ZNF99: variants seen among roughly 807,000 people sequenced by gnomAD.
ZNF99 encodes the protein zinc finger protein ENSP00000375192.
ZNF99 carries 8 observed loss-of-function variants against 12.8 expected under a neutral mutation model. The observed-to-expected ratio is 0.62, with a 90% CI of 0.37 to 1.13. The LOEUF is 1.13. Among genes scored for constraint, ZNF99 ranks in the 50% most tolerant of loss-of-function variants. The probability of loss-of-function intolerance (pLI) is 0.02; values close to 1 mark genes in which losing one functional copy is unlikely to be tolerated. For synonymous variants in ZNF99, 318 were observed against 319.0 expected (o/e 1.00, Z 0.03); for missense variants, 1,007 against 1,006.2 (o/e 1.00, Z -0.01).
chr19:22,768,711 G>A lies in ZNF99; in HGVS notation c.131-311C>T, dbSNP rs116488091. Among the ~76,000 whole-genome samples, 1,135 of 152,038 alleles carry A rather than the reference G, an allele frequency of 7.5e-3. 9 individuals are homozygous for A. Among genetic ancestry groups the A allele is most frequent in the African/African-American group, 0.026 (1,074 of 41,480 alleles). ...GCAGATCTGCTTAGAAATGTGGAAA[G>A]TTCAGGTAAAAATTAAACATCTTTA... On this transcript the variant is annotated intron_variant, in intron 2 of 3. Coordinates refer to ENST00000596209, the MANE Select transcript of ZNF99 (RefSeq NM_001080409.3).
chr19:22,773,740 T>C (rs1973296910), intron 1 of ZNF99: 1 of 152,238 alleles, frequency 6.6e-6, no homozygotes, highest in South Asian at 2.1e-4. Flanking sequence ...CACTCTCCTG[T>C]TAGCTGGTGT....
rs1395282854 is a variant in ZNF99, at chr19:22,752,273, A to G, written c.*5041T>C. The stretch of plus-strand genomic sequence containing the variant: ...ATAATAAAGATAACAATTTAGTTTT[A>G]TATTTCAAAGTGACTAAAAGTGTAG... On this transcript the variant is annotated 3_prime_UTR_variant, in exon 4 of 4. Transcript: ENST00000596209. 6.6e-6 allele frequency: 1 copy of G among 152,116 alleles called. No individual in the cohort carries two copies. The highest frequency in any genetic ancestry group is 2.4e-5 in the African/African-American group (1 of 41,446). The allele number at this position is 152,116 out of a possible 1,614,324, so 9.4% of individuals were successfully genotyped here.
rs912062607 is a variant in ZNF99, at chr19:22,784,071, A to G, written c.-55T>C. ...TAGCTGTGGATCTCCAAATACCTAC[A>G]GGTCACAGGGCCACAGAGGCTAAGG... On this transcript the variant is annotated 5_prime_UTR_variant, in exon 1 of 4. Coordinates refer to ENST00000596209, the MANE Select transcript of ZNF99 (RefSeq NM_001080409.3). The G allele has an allele frequency of 7.5e-6, 12 of 1,607,052 alleles. No homozygotes were observed. In the Admixed American group the frequency reaches 8.4e-5, roughly 11 times the overall value.
chr19:22,755,896 T>G lies in ZNF99; in HGVS notation c.*1418A>C, dbSNP rs1383331591. ...GAGTTTATCTTCTTTAGGAATTCTC[T>G]CATTTTGAGTAACAGCTGAGCAATG... On this transcript the variant is annotated 3_prime_UTR_variant, in exon 4 of 4. Transcript: ENST00000596209. 2.1e-5 allele frequency: 7 copies of G among 337,884 alleles called. No homozygotes were observed. The allele number at this position is 337,884 out of a possible 1,614,324, so 20.9% of individuals were successfully genotyped here.
intron 2 of ZNF99, 23 bp from the exon 3 acceptor site, chr19:22,768,423 CAT>C (rs755380643): frequency 6.3e-7 from 1 of 1,579,374 alleles, no homozygotes; most frequent in Non-Finnish European, 8.6e-7. Context: ...AAATAAATAA[CAT>C]AAATATTGCT....
In ZNF99 at chr19:22,755,469, A is replaced by T. The variant is rs181314864; in HGVS notation, c.*1845T>A. 249 of 282,652 alleles carry T rather than the reference A, an allele frequency of 8.8e-4. 1 individual carries two copies. Among genetic ancestry groups the T allele is most frequent in the African/African-American group, 5.3e-3 (236 of 44,628 alleles). 17.5% of individuals were successfully genotyped at this position (282,652 alleles called of 1,614,324 possible). On this transcript the variant is annotated 3_prime_UTR_variant, in exon 4 of 4. Coordinates refer to ENST00000596209, the MANE Select transcript of ZNF99 (RefSeq NM_001080409.3). ...CTTCACATGAGGCGGGTTTCTCTCT[A>T]ATTTATCTTATATTCAGTAAGATCT... is the stretch of plus-strand genomic sequence containing the variant.
intron 3 of ZNF99, among the ~76,000 whole-genome samples, chr19:22,761,321 A>T (rs1486917552): frequency 6.6e-6 from 1 of 152,294 alleles, no homozygotes; most frequent in South Asian, 2.1e-4. Flanking sequence ...CATGCTAAAC[A>T]AGAGGTTCAT....
At position 22,757,010 on chromosome 19, in the gene ZNF99, C is replaced by G. The variant is rs759315821; in HGVS notation, c.*304G>C. The G allele has an allele frequency of 2.6e-6, 4 of 1,561,384 alleles. No homozygotes were observed. The highest frequency in any genetic ancestry group is 3.5e-6 in the Non-Finnish European group (4 of 1,151,948). ...ATGTTTCCTAAGGGCTGAGAAATTG[C>G]TAAAAGCTTTGCCACATTCTTCACA... On this transcript the variant is annotated 3_prime_UTR_variant, in exon 4 of 4. Transcript: ENST00000596209.
chr19:22,756,316 TTTATG>T lies in ZNF99; in HGVS notation c.*993_*997del, dbSNP rs1350988395. 6.4e-7 allele frequency: 1 copy of T among 1,566,944 alleles called. No homozygotes were observed. The highest frequency in any genetic ancestry group is 8.7e-7 in the Non-Finnish European group (1 of 1,155,740). On this transcript the variant is annotated 3_prime_UTR_variant, in exon 4 of 4. Coordinates refer to ENST00000596209, the MANE Select transcript of ZNF99 (RefSeq NM_001080409.3). ...AGGTTTTCCCTCCAGTATGAATTGT[TTTATG>T]TTGAGTAAGGTGTGAGGACTGGTTA... is the stretch of plus-strand genomic sequence containing the variant.
chr19:22,753,723 T>C lies in ZNF99; in HGVS notation c.*3591A>G, dbSNP rs1035328495. On this transcript the variant is annotated 3_prime_UTR_variant, in exon 4 of 4. Coordinates refer to ENST00000596209, the MANE Select transcript of ZNF99 (RefSeq NM_001080409.3). Reference sequence around the variant, plus strand: ...GCATTTTTAATATTTGTTTTAAGTATAAACTCTGTGATGTTAAGATGTGAG... The same window carrying C: ...GCATTTTTAATATTTGTTTTAAGTACAAACTCTGTGATGTTAAGATGTGAG... 8.6e-5 allele frequency: 14 copies of C among 163,464 alleles called. No individual in the cohort carries two copies. Among genetic ancestry groups the C allele is most frequent in the African/African-American group, 3.1e-4 (13 of 41,640 alleles). The allele number at this position is 163,464 out of a possible 1,614,324, so 10.1% of individuals were successfully genotyped here.
At position 22,755,287 on chromosome 19, in the gene ZNF99, T is replaced by A; in HGVS notation, c.*2027A>T. Reference sequence around the variant, plus strand: ...AGCATTGCCACATTCTTCACATTTCTAGAGTTTGTCTTCAGTATCAACTAT... The same window carrying A: ...AGCATTGCCACATTCTTCACATTTCAAGAGTTTGTCTTCAGTATCAACTAT... On this transcript the variant is annotated 3_prime_UTR_variant, in exon 4 of 4. Transcript: ENST00000596209. 3.9e-6 allele frequency: 1 copy of A among 258,332 alleles called. No homozygotes were observed. The highest frequency in any genetic ancestry group is 8.0e-6 in the Non-Finnish European group (1 of 124,854). The allele number at this position is 258,332 out of a possible 1,614,324, so 16.0% of individuals were successfully genotyped here.
Position 22,756,002 on chromosome 19 carries a change from G to T in ZNF99, c.*1312C>A, listed in dbSNP as rs965294432. 1 of 734,816 alleles carries T rather than the reference G, an allele frequency of 1.4e-6. No individual in the cohort carries two copies. Among genetic ancestry groups the T allele is most frequent in the Admixed American group, 2.3e-5 (1 of 42,704 alleles). 45.5% of individuals were successfully genotyped at this position (734,816 alleles called of 1,614,324 possible). A position where few individuals can be genotyped will look rare whatever the true frequency, so the allele number is the denominator to read the frequency against. Reference sequence around the variant, plus strand: ...ATTTTATGTGTATTTAAGGTGTGAGGACTGGTTAAAGGCTTTGCCACATTC... The same window carrying T: ...ATTTTATGTGTATTTAAGGTGTGAGTACTGGTTAAAGGCTTTGCCACATTC... On this transcript the variant is annotated 3_prime_UTR_variant, in exon 4 of 4. Coordinates refer to ENST00000596209, the MANE Select transcript of ZNF99 (RefSeq NM_001080409.3).
Position 22,768,396 on chromosome 19 carries a change from G to A in ZNF99, c.135C>T (p.Ile45=), listed in dbSNP as rs147397251. ...ENYRNLVFLG[I]AVSKLDLITC... is the part of the protein sequence containing the mutation. The stretch of plus-strand genomic sequence containing the variant: ...TTATCAAGTCTAGCTTAGAGACAGC[G>A]ATACCTGTTTTATTAAAAATAAATA... Residue 45 remains isoleucine (I), a synonymous_variant, in exon 3 of 4, where the codon ATC becomes ATT. Coordinates refer to ENST00000596209, the MANE Select transcript of ZNF99 (RefSeq NM_001080409.3). 32 of 1,606,940 alleles carry A rather than the reference G, an allele frequency of 2.0e-5. No individual in the cohort carries two copies. Among genetic ancestry groups the A allele is most frequent in the Admixed American group, 3.4e-5 (2 of 58,686 alleles).
rs139013069 is a variant in ZNF99 at position 22,754,138 on chromosome 19, G to A, written c.*3176C>T. The A allele has an allele frequency of 2.0e-3, 905 of 453,692 alleles. 14 individuals are homozygous for A. Among genetic ancestry groups the A allele is most frequent in the African/African-American group, 0.016 (784 of 49,968 alleles). 28.1% of individuals were successfully genotyped at this position (453,692 alleles called of 1,614,324 possible). ...TTGGGGCACTTTGGGAGGCCAAGGCGGGTGGATCACTTGAGGTCAGGAGTT... is the reference window on the plus strand; with the variant it reads ...TTGGGGCACTTTGGGAGGCCAAGGCAGGTGGATCACTTGAGGTCAGGAGTT... On this transcript the variant is annotated 3_prime_UTR_variant, in exon 4 of 4. Coordinates refer to ENST00000596209, the MANE Select transcript of ZNF99 (RefSeq NM_001080409.3).
In ZNF99 at chr19:22,758,835, T is replaced by C. The variant is rs775951791; in HGVS notation, c.1074A>G (p.Lys358=). The change falls in exon 4 of 4, where the codon AAA becomes AAG. Residue 358 remains lysine, a synonymous_variant. Transcript: ENST00000596209. ...KAFSQSSTLR[K]HEIIHTEEKP... ...TCTCTTCAGTATGAATTATCTCATG[T>C]TTTCTAAGGGTTGAGGACTGGCTAA... 3.7e-6 allele frequency: 6 copies of C among 1,606,176 alleles called. No individual in the cohort carries two copies. Among genetic ancestry groups the C allele is most frequent in the South Asian group, 2.2e-5 (2 of 90,536 alleles).
At chr19:22,765,472 T>A (rs1264881274) in intron 3 of ZNF99, among the ~76,000 whole-genome samples, 4 of 151,162 alleles carry the variant, frequency 2.6e-5, no homozygotes, top group Non-Finnish European at 5.9e-5. Context: ...TGTACCTCAA[T>A]AACTTATGAA....
At position 22,756,624 on chromosome 19, in the gene ZNF99, C is replaced by G. The variant is rs191061145; in HGVS notation, c.*690G>C. Reference sequence around the variant, plus strand: ...CTTTGCCACATTCTTCACATTTGTACGGTTTCTCCCCAGTATGAATTATCT... The same window carrying G: ...CTTTGCCACATTCTTCACATTTGTAGGGTTTCTCCCCAGTATGAATTATCT... On this transcript the variant is annotated 3_prime_UTR_variant, in exon 4 of 4. Transcript: ENST00000596209. The G allele has an allele frequency of 5.1e-6, 8 of 1,575,422 alleles. No homozygotes were observed. Among genetic ancestry groups the G allele is most frequent in the East Asian group, 2.3e-5 (1 of 43,250 alleles).
intron 3 of ZNF99, among the ~76,000 whole-genome samples, chr19:22,766,773 T>C (rs938058249): frequency 1.3e-4 from 19 of 151,656 alleles, no homozygotes; most frequent in Non-Finnish European, 1.9e-4. Flanking sequence ...TGCATCAGCC[T>C]CCCGAATAGC....
At chr19:22,770,862 G>GT (rs771512053) in intron 1 of ZNF99, 3 of 151,942 alleles carry the variant, frequency 2.0e-5, no homozygotes, top group Non-Finnish European at 2.9e-5. Context: ...CCCATTTTTT[G>GT]TAACTTTTAA....
Sources: gnomAD v4.1 joint callset for allele counts (sites outside exome capture counted in the v4.1 genomes callset) on GRCh38, gnomAD v4.1.1 for gene constraint, MANE v1.5 for transcripts, NCBI Gene and HGNC (gene_info 2026-07-23, HGNC 2026-07-21) for gene names.